The following HACL2 variants were observed in gnomAD, a reference collection of about 807,000 sequenced individuals.
The protein encoded by HACL2 is 2-hydroxyacyl-CoA lyase 2, also known as 2-hydroxyacyl-CoA lyase 1 like.
the HACL2 span, chr19:15,123,781 T>C: frequency 1.7e-6 from 1 of 593,202 alleles, no homozygotes; most frequent in South Asian, 2.0e-5. This position sits in a 1 kb window ranked among gnomAD's most constrained non-coding sequence, Gnocchi z 5.1. Context: ...TGTCATTACA[T>C]CCCTCTTACA....
chr19:15,118,477 C>T, the HACL2 span, among the ~76,000 whole-genome samples: 3 of 152,046 alleles, frequency 2.0e-5, no homozygotes, highest in Admixed American at 6.6e-5. Context: ...GGGAGGAAAC[C>T]GGAGCCACAC....
chr19:15,121,167 G>A, the HACL2 span, among the ~76,000 whole-genome samples: 2 of 152,360 alleles, frequency 1.3e-5, no homozygotes, highest in African/African-American at 2.4e-5. Flanking sequence ...GCTGAGGCAG[G>A]AGAATCACTT....
At chr19:15,118,336 G>T in the HACL2 span, among the ~76,000 whole-genome samples, 4 of 152,148 alleles carry the variant, frequency 2.6e-5, no homozygotes, top group African/African-American at 7.2e-5. Context: ...CCCTTTCCTT[G>T]AAAGTGACAC....
At chr19:15,118,954 T>C in the HACL2 span, among the ~76,000 whole-genome samples, 2 of 152,154 alleles carry the variant, frequency 1.3e-5, no homozygotes, top group Non-Finnish European at 2.9e-5. Context: ...AGAAATGCAT[T>C]TTTAGCCATT....
chr19:15,118,793 G>A, the HACL2 span, among the ~76,000 whole-genome samples: 50 of 152,314 alleles, frequency 3.3e-4, no homozygotes, highest in East Asian at 7.1e-3. Flanking sequence ...CATCCCAGAC[G>A]AGCTGCAGGG....
the HACL2 span, chr19:15,117,730 G>A: frequency 9.6e-6 from 7 of 730,740 alleles, no homozygotes; most frequent in African/African-American, 3.5e-5. Context: ...ATCAGTTTGA[G>A]AGCCAACTAT....
the HACL2 span, chr19:15,122,990 A>G: frequency 1.2e-6 from 2 of 1,603,166 alleles, no homozygotes; most frequent in Admixed American, 1.7e-5. This position sits in a 1 kb window ranked among gnomAD's most constrained non-coding sequence, Gnocchi z 4.0. Flanking sequence ...GAGTGGCCGG[A>G]AAAGGGACAG....
the HACL2 span, chr19:15,119,885 G>C: frequency 2.4e-6 from 2 of 840,176 alleles, no homozygotes; most frequent in Non-Finnish European, 3.6e-6. Context: ...GAGCACCCAA[G>C]ATTAAGGCCC....
chr19:15,115,046 C>T, the HACL2 span: 15 of 633,112 alleles, frequency 2.4e-5, no homozygotes, highest in Non-Finnish European at 3.9e-5. Context: ...AGGGGACAAA[C>T]GGCACAGTTG....
At chr19:15,115,407 G>C in the HACL2 span, 2 of 1,613,834 alleles carry the variant, frequency 1.2e-6, no homozygotes. Context: ...CGGGCCCCCA[G>C]ACCCATGGCT....
chr19:15,125,545 A>C, the HACL2 span: 1 of 162,952 alleles, frequency 6.1e-6, no homozygotes, highest in Non-Finnish European at 1.3e-5. Flanking sequence ...CTCTCCCTTA[A>C]AGAGCGCACG....
At chr19:15,115,746 T>A in the HACL2 span, 1 of 1,569,640 alleles carries the variant, frequency 6.4e-7, no homozygotes, top group Non-Finnish European at 8.8e-7. Context: ...GAGACAGGGA[T>A]AGGGCCTCTG....
chr19:15,123,172 G>A, the HACL2 span: 18 of 1,614,028 alleles, frequency 1.1e-5, no homozygotes, highest in Non-Finnish European at 1.4e-5. This position sits in a 1 kb window ranked among gnomAD's most constrained non-coding sequence, Gnocchi z 5.1. Flanking sequence ...TGAGCCATCT[G>A]AGCATTCTTC....
the HACL2 span, chr19:15,124,861 C>T: frequency 1.9e-6 from 3 of 1,542,796 alleles, no homozygotes; most frequent in Non-Finnish European, 2.6e-6. Flanking sequence ...GAGCTGGAAG[C>T]AGCACCACGA....
chr19:15,119,061 G>A, the HACL2 span: 1 of 1,298,036 alleles, frequency 7.7e-7, no homozygotes, highest in South Asian at 1.6e-5. Context: ...TGTGTATCAA[G>A]TACAATAGGT....
chr19:15,122,923 G>T, the HACL2 span: 1 of 1,607,608 alleles, frequency 6.2e-7, no homozygotes, highest in South Asian at 1.1e-5. The surrounding 1 kb of genome is among the most constrained non-coding windows in gnomAD (Gnocchi z 4.0). Flanking sequence ...CAGCCATCGC[G>T]GCCCTCAGGG....
chr19:15,115,053 G>A, the HACL2 span: 1 of 651,222 alleles, frequency 1.5e-6, no homozygotes, highest in Middle Eastern at 3.8e-4. Flanking sequence ...AAACGGCACA[G>A]TTGGGTCCGT....
chr19:15,123,425 C>T, the HACL2 span: 15 of 1,614,038 alleles, frequency 9.3e-6, no homozygotes, highest in Middle Eastern at 1.6e-4. This position sits in a 1 kb window ranked among gnomAD's most constrained non-coding sequence, Gnocchi z 5.1. Flanking sequence ...GACCTCATGG[C>T]GTGTGTCCAC....
the HACL2 span, chr19:15,122,712 C>T: frequency 7.4e-6 from 12 of 1,614,148 alleles, no homozygotes; most frequent in East Asian, 6.7e-5. The surrounding 1 kb of genome is among the most constrained non-coding windows in gnomAD (Gnocchi z 4.0). Context: ...ACTCGGCCCA[C>T]GAGGCCCTTG....
Sources: allele counts gnomAD v4.1 joint callset (sites outside exome capture counted in the v4.1 genomes callset), GRCh38; gene constraint gnomAD v4.1.1; non-coding constraint Gnocchi (gnomAD v3.1); transcripts MANE v1.5; gene names NCBI Gene and HGNC (gene_info 2026-07-23, HGNC 2026-07-21).